The following WNK3 variants were observed in gnomAD, a reference collection of about 807,000 sequenced individuals.
The protein encoded by WNK3 is WNK lysine deficient protein kinase 3.
WNK3 carries 18 observed loss-of-function variants against 116.7 expected under a neutral mutation model. The observed-to-expected ratio is 0.15, with a 90% CI of 0.11 to 0.23. The LOEUF (loss-of-function observed/expected upper bound fraction) is 0.23. WNK3 is among the 10% of genes least tolerant of loss of function. The probability of loss-of-function intolerance (pLI) is 1.00; values close to 1 mark genes in which losing one functional copy is unlikely to be tolerated. For synonymous variants in WNK3, 404 were observed against 469.4 expected (o/e 0.86, Z 1.80); for missense variants, 993 against 1,323.8 (o/e 0.75, Z 3.88).
chrX:54,238,617 G>C, intron 18 of WNK3, 145 bp from the exon 19 acceptor site: 2 of 582,215 alleles, frequency 3.4e-6, no homozygotes, highest in Non-Finnish European at 5.2e-6. Context: ...AAGCAACATT[G>C]TATTAAGTCC....
intron 19 of WNK3, among the ~76,000 whole-genome samples, chrX:54,237,996 C>T (rs898227981): frequency 9.0e-6 from 1 of 111,085 alleles, no homozygotes; most frequent in African/African-American, 3.3e-5. Flanking sequence ...CTTTGGGAGG[C>T]CGAGGCAGGC....
chrX:54,347,475 G>A (rs1557177812), intron 1 of WNK3, among the ~76,000 whole-genome samples: 1 of 109,879 alleles, frequency 9.1e-6, no homozygotes, highest in Non-Finnish European at 1.9e-5. Context: ...AACAGAGCGA[G>A]ACTCCATCTC....
At chrX:54,291,961 A>C in intron 10 of WNK3, among the ~76,000 whole-genome samples, 1 of 111,735 alleles carries the variant, frequency 8.9e-6, no homozygotes, top group Middle Eastern at 4.6e-3. Context: ...GAGAGGAGAA[A>C]ACCGGGTAAT....
At chrX:54,296,804 A>C (rs922541027) in intron 7 of WNK3, among the ~76,000 whole-genome samples, 6 of 110,642 alleles carry the variant, frequency 5.4e-5, no homozygotes, top group Non-Finnish European at 1.1e-4. Context: ...CCCTCCCATC[A>C]GCACTGCAGC....
At chrX:54,251,598 A>G in exon 14 of WNK3, 1 of 1,211,292 alleles carries the variant, frequency 8.3e-7, no homozygotes, top group African/African-American at 1.7e-5. Context: ...CAAAGTGGAC[A>G]TGAAGGATCT....
chrX:54,250,429 A>G lies in WNK3; in HGVS notation c.2576-298T>C, dbSNP rs181343825. ...GACAGCACTTTTCTCATTAAAACCT[A>G]TATCTCTTATTCTGTATCCTGATTA... is the stretch of plus-strand genomic sequence containing the variant. On this transcript the variant is annotated intron_variant, in intron 15 of 23. Transcript: ENST00000354646. 3.2e-3 allele frequency among the ~76,000 whole-genome samples: 363 copies of G among 111,885 alleles called. 4 individuals are homozygous for G. Among genetic ancestry groups the G allele is most frequent in the African/African-American group, 0.011 (343 of 30,895 alleles).
intron 10 of WNK3, among the ~76,000 whole-genome samples, chrX:54,276,438 TTAA>T (rs1200177955): frequency 9.0e-6 from 1 of 111,533 alleles, no homozygotes; most frequent in Non-Finnish European, 1.9e-5. Flanking sequence ...CTCTCAGCAA[TTAA>T]TAATAGAAAA....
chrX:54,195,978 A>G (rs1217958281), exon 24 of WNK3: 4 of 110,998 alleles, frequency 3.6e-5, no homozygotes, highest in Non-Finnish European at 7.6e-5. Flanking sequence ...CCTGGGGTAC[A>G]CTGTTTAAAA....
rs1194502851 is a variant in WNK3 at position 54,293,050 on chromosome X, G to A, written c.1888-13C>T. 1.7e-6 allele frequency: 2 copies of A among 1,197,205 alleles called. No individual in the cohort carries two copies. Among genetic ancestry groups the A allele is most frequent in the African/African-American group, 3.6e-5 (2 of 56,073 alleles). On this transcript the variant is annotated splice_polypyrimidine_tract_variant and intron_variant, in intron 9 of 23. Transcript: ENST00000354646. ...AATGCTTCTGTAACTGTTAAAATAA[G>A]GGGAAAAAAAGATTAAAGATAAACT...
chrX:54,253,762 A>G (rs1291789316), intron 13 of WNK3, among the ~76,000 whole-genome samples, 197 bp downstream of exon 13: 1 of 111,937 alleles, frequency 8.9e-6, no homozygotes, highest in Non-Finnish European at 1.9e-5. Context: ...AAACCTCTGC[A>G]TATTTTCCAG....
At chrX:54,262,415 CGTT>C (rs1557156839) in intron 10 of WNK3, among the ~76,000 whole-genome samples, 1 of 111,691 alleles carries the variant, frequency 9.0e-6, no homozygotes, top group African/African-American at 3.2e-5. Flanking sequence ...ATGAAACAAG[CGTT>C]GTAGTATGTG....
At chrX:54,230,087 T>C (rs1215850626) in intron 21 of WNK3, among the ~76,000 whole-genome samples, 1 of 111,446 alleles carries the variant, frequency 9.0e-6, no homozygotes, top group Admixed American at 9.6e-5. Context: ...AGACAAGCTA[T>C]AGACTTGAAT....
chrX:54,314,789 CAA>C (rs1262220525), intron 2 of WNK3, among the ~76,000 whole-genome samples: 1 of 111,398 alleles, frequency 9.0e-6, no homozygotes, highest in Non-Finnish European at 1.9e-5. Flanking sequence ...TCTCAAAAAA[CAA>C]AGAGATATAT....
intron 1 of WNK3, among the ~76,000 whole-genome samples, chrX:54,354,959 C>G (rs1205079907): frequency 9.0e-6 from 1 of 110,573 alleles, no homozygotes; most frequent in Non-Finnish European, 1.9e-5. Flanking sequence ...TGCCACGTGC[C>G]TGTAATCCCA....
intron 1 of WNK3, among the ~76,000 whole-genome samples, chrX:54,341,112 G>A (rs956630930): frequency 4.5e-5 from 5 of 111,886 alleles, no homozygotes; most frequent in Admixed American, 3.8e-4. Context: ...ATATTAATGG[G>A]AAGGCTGGGC....
intron 1 of WNK3, among the ~76,000 whole-genome samples, chrX:54,341,222 C>T (rs1199896195): frequency 9.0e-6 from 1 of 110,550 alleles, no homozygotes; most frequent in African/African-American, 3.3e-5. Flanking sequence ...CATGGTGAAA[C>T]CCCATCTCTA....
rs781916557 is a variant in WNK3, at chrX:54,237,332, C to T, written c.4234G>A (p.Val1412Ile). The T allele has an allele frequency of 5.0e-6, 6 of 1,210,178 alleles. No homozygotes were observed. The Admixed American group carries it at 1.3e-4, about 26-fold the overall frequency. The change falls in exon 20 of 24, where the codon GTT becomes ATT. Residue 1412 changes from valine (V) to isoleucine (I), a missense_variant. Val to Ile is a conservative substitution (Grantham distance 29). Coordinates refer to ENST00000354646, the Ensembl canonical transcript of WNK3. The stretch of plus-strand genomic sequence containing the variant: ...AAGAAGTTGTCACCTTGTTTGGGAA[C>T]TCCTTTATTTTCTTTACAGGTTTCC...
At chrX:54,204,812 T>C (rs1194818488) in intron 22 of WNK3, among the ~76,000 whole-genome samples, 1 of 112,508 alleles carries the variant, frequency 8.9e-6, no homozygotes, top group Non-Finnish European at 1.9e-5. Context: ...AATGTATCAA[T>C]GCCCACAGTT....
At chrX:54,314,103 G>A (rs2068921106) in intron 2 of WNK3, among the ~76,000 whole-genome samples, 1 of 104,650 alleles carries the variant, frequency 9.6e-6, no homozygotes, top group Admixed American at 1.1e-4. Flanking sequence ...TGAGACATGA[G>A]AATCACTTGA....
Sources: gnomAD v4.1 joint callset for allele counts (sites outside exome capture counted in the v4.1 genomes callset) on GRCh38, gnomAD v4.1.1 for gene constraint, MANE v1.5 for transcripts, NCBI Gene and HGNC (gene_info 2026-07-23, HGNC 2026-07-21) for gene names.